PCLO: variants seen among roughly 807,000 people sequenced by gnomAD.
PCLO encodes the protein piccolo presynaptic cytomatrix protein, also known as protein piccolo.
PCLO carries 82 observed loss-of-function variants against 427.5 expected under a neutral mutation model. The ratio of observed to expected loss-of-function variants is 0.19; its 90% CI spans 0.16 to 0.23. The LOEUF (loss-of-function observed/expected upper bound fraction) is 0.23. PCLO is among the 10% of genes least tolerant of loss of function. The pLI, the probability that PCLO is intolerant of heterozygous loss-of-function variation, is 1.00. For missense variants in PCLO, 6,239 were observed against 6,115.9 expected (o/e 1.02, Z -0.67); for synonymous variants, 2,357 against 2,155.4 (o/e 1.09, Z -2.59).
intron 3 of PCLO, among the ~76,000 whole-genome samples, chr7:83,124,092 T>C (rs4732498): frequency 0.49 from 73,521 of 150,242 alleles, 18,821 homozygotes; most frequent in East Asian, 0.69. Flanking sequence ...GGGCGGATCA[T>C]GAGGTCAGGA....
At chr7:83,151,836 T>C (rs1792138095) in intron 2 of PCLO, among the ~76,000 whole-genome samples, 1 of 152,174 alleles carries the variant, frequency 6.6e-6, no homozygotes, top group Admixed American at 6.6e-5. Context: ...ACAACTAAAC[T>C]AACTATAGTA....
At chr7:83,106,132 C>A (rs1790849153) in intron 3 of PCLO, among the ~76,000 whole-genome samples, 1 of 152,196 alleles carries the variant, frequency 6.6e-6, no homozygotes, top group Non-Finnish European at 1.5e-5. Context: ...ACTGCTGTGG[C>A]TGAATTCCAT....
Position 83,134,698 on chromosome 7 carries a change from T to C in PCLO, c.2852A>G (p.Gln951Arg). ...TCCACTTTGTGAATGAGGTCCAGGT[T>C]GGCCTGCAGTGGAAATTAAATTTGA... ...QASNLISTAG[Q>R]PGPHSQSGPG... The change falls in exon 3 of 25, where the codon CAA becomes CGA. Residue 951 changes from glutamine to arginine, a missense_variant. Around this residue, in one of 5 missense-constraint regions of PCLO, gnomAD observed 4,677 missense variants for 4,468.4 expected, o/e 1.05. Transcript: ENST00000333891. 2 of 1,613,782 alleles carry C rather than the reference T, an allele frequency of 1.2e-6. No individual in the cohort carries two copies. The highest frequency in any genetic ancestry group is 1.7e-6 in the Non-Finnish European group (2 of 1,179,792).
intron 22 of PCLO, among the ~76,000 whole-genome samples, chr7:82,792,334 C>CTT (rs1417543209): frequency 6.9e-6 from 1 of 144,294 alleles, no homozygotes; most frequent in African/African-American, 2.5e-5. Flanking sequence ...TTTTATGGCT[C>CTT]TTTTTTTTTT....
chr7:83,019,828 C>A (rs1337160194), intron 3 of PCLO, among the ~76,000 whole-genome samples: 2 of 151,998 alleles, frequency 1.3e-5, no homozygotes, highest in East Asian at 3.9e-4. Flanking sequence ...GACTCTGGGG[C>A]AAAGACTGAA....
rs145077014 is a variant in PCLO, at chr7:82,951,215, C to T, written c.9373G>A (p.Asp3125Asn). The T allele has an allele frequency of 2.4e-4, 390 of 1,613,634 alleles. 3 individuals are homozygous for T. The African/African-American group carries it at 4.7e-3, about 20-fold the overall frequency. ...ATGGCAGGTAATGAAGTCACTGCAT[C>T]AGCCGTATGAATACCAGACAAATCC... ...VRDLSGIHTA[D>N]AVTSLPAMHH... The change falls in exon 6 of 25, where the codon GAT becomes AAT. Residue 3125 changes from aspartate to asparagine, a missense_variant. This residue lies in a region of PCLO where 4,677 missense variants were observed against 4,468.4 expected (regional missense o/e 1.05). Transcript: ENST00000333891.
chr7:83,081,588 ATACAT>A (rs1790102788), intron 3 of PCLO, among the ~76,000 whole-genome samples: 1 of 151,904 alleles, frequency 6.6e-6, no homozygotes, highest in Non-Finnish European at 1.5e-5. Context: ...ATCCAACTGT[ATACAT>A]TAAACTATTT....
intron 3 of PCLO, among the ~76,000 whole-genome samples, chr7:83,093,611 G>A: frequency 6.8e-6 from 1 of 146,846 alleles, no homozygotes; most frequent in Non-Finnish European, 1.5e-5. Flanking sequence ...TCCTGCCTCA[G>A]CCTCCCGAGT....
intron 24 of PCLO, among the ~76,000 whole-genome samples, chr7:82,759,512 C>A (rs753319156): frequency 6.6e-6 from 1 of 151,836 alleles, no homozygotes; most frequent in African/African-American, 2.4e-5. Context: ...AAATTCATTT[C>A]GGACAAACTA....
intron 3 of PCLO, among the ~76,000 whole-genome samples, chr7:83,097,621 C>G (rs1205710954): frequency 8.5e-6 from 1 of 118,202 alleles, no homozygotes; most frequent in Non-Finnish European, 1.7e-5. Flanking sequence ...TTTCACGTAT[C>G]ATGCTTTATA....
intron 21 of PCLO, 48 bp from the exon 22 acceptor site, chr7:82,801,639 A>G (rs2129468688): frequency 4.4e-6 from 5 of 1,132,298 alleles, no homozygotes; most frequent in East Asian, 2.4e-5. Context: ...GATCTCATGA[A>G]TGCAAAAGAG....
chr7:82,961,332 T>C (rs1454870560), intron 4 of PCLO, among the ~76,000 whole-genome samples: 1 of 152,116 alleles, frequency 6.6e-6, no homozygotes, highest in Non-Finnish European at 1.5e-5. Context: ...GTAGAAAAAC[T>C]GAGAACAGGT....
At chr7:82,849,064 TTCAA>T (rs1157513845) in intron 10 of PCLO, 2 of 169,864 alleles carry the variant, frequency 1.2e-5, no homozygotes, top group Admixed American at 6.0e-5. Flanking sequence ...TGATTTTGAA[TTCAA>T]TCAAATTAAA....
intron 3 of PCLO, among the ~76,000 whole-genome samples, chr7:83,024,751 G>A (rs1299384040): frequency 1.3e-5 from 2 of 152,200 alleles, no homozygotes; most frequent in African/African-American, 2.4e-5. Flanking sequence ...GTACGCAGCT[G>A]GAGATCTGAG....
At chr7:82,905,694 A>C (rs962912139) in intron 8 of PCLO, among the ~76,000 whole-genome samples, 1 of 151,962 alleles carries the variant, frequency 6.6e-6, no homozygotes, top group Admixed American at 6.6e-5. Context: ...GTGGAGGAAA[A>C]GTGTCCAAGG....
Position 82,914,838 on chromosome 7 carries a change from G to A in PCLO, c.13148C>T (p.Pro4383Leu). The change falls in exon 7 of 25, where the codon CCA becomes CTA. Residue 4383 changes from proline (P) to leucine (L), a missense_variant. Physicochemically the swap from Pro to Leu is moderately conservative, Grantham distance 98. Transcript: ENST00000333891. ...CTGATCCCTGGTGTCTGCAGATATT[G>A]GTGGCAGGGGTCCAGCTGCAGCCCT... ...MARAAAGPLP[P>L]ISADTRDQFG... The A allele has an allele frequency of 6.2e-7, 1 of 1,613,500 alleles. No individual in the cohort carries two copies. Among genetic ancestry groups the A allele is most frequent in the Non-Finnish European group, 8.5e-7 (1 of 1,179,696 alleles).
chr7:83,114,413 C>T (rs892874759), intron 3 of PCLO, among the ~76,000 whole-genome samples: 2 of 151,940 alleles, frequency 1.3e-5, no homozygotes, highest in East Asian at 1.9e-4. Flanking sequence ...ATTTGGTGAA[C>T]GTGCAGAGGA....
intron 9 of PCLO, among the ~76,000 whole-genome samples, chr7:82,901,155 G>C (rs1340566257): frequency 6.6e-6 from 1 of 151,772 alleles, no homozygotes; most frequent in Non-Finnish European, 1.5e-5. Context: ...AAAGAATGAT[G>C]CAAGTATGTA....
chr7:82,954,404 A>C lies in PCLO; in HGVS notation c.6549T>G (p.Ser2183=), dbSNP rs760362056. 1.9e-6 allele frequency: 3 copies of C among 1,613,814 alleles called. No individual in the cohort carries two copies. The African/African-American group carries it at 4.0e-5, about 22-fold the overall frequency. The change falls in exon 5 of 25, where the codon TCT becomes TCG. Residue 2183 remains serine, a synonymous_variant. Coordinates refer to ENST00000333891, the MANE Select transcript of PCLO (RefSeq NM_033026.6). ...ATSVPPSDTP[S]LTSSVSSVCT... ...AGACCGAAGAAACAGATGATGTGAG[A>C]GAAGGTGTGTCAGAGGGTGGGACAG...
Sources: gnomAD v4.1 joint callset for allele counts (sites outside exome capture counted in the v4.1 genomes callset) on GRCh38, gnomAD v4.1.1 for gene constraint, gnomAD v4.1.1 regional missense constraint, MANE v1.5 for transcripts, NCBI Gene and HGNC (gene_info 2026-07-23, HGNC 2026-07-21) for gene names.